Variants in BRAF observed in about 807,000 individuals in gnomAD.
BRAF encodes the protein B-Raf proto-oncogene, serine/threonine kinase.
Under a neutral mutation model 104.6 loss-of-function variants are expected in BRAF, and 16 were observed. The ratio of observed to expected loss-of-function variants is 0.15; its 90% CI spans 0.10 to 0.23. BRAF has a LOEUF of 0.23. Ranked by LOEUF, BRAF falls within the 10% of genes least tolerant of loss-of-function variation. The probability of loss-of-function intolerance (pLI) is 1.00; values close to 1 mark genes in which losing one functional copy is unlikely to be tolerated. For missense variants in BRAF, 541 were observed against 937.3 expected (o/e 0.58, Z 5.52); for synonymous variants, 310 against 341.6 (o/e 0.91, Z 1.02).
At chr7:140,885,281 G>A (rs1234405129) in intron 1 of BRAF, among the ~76,000 whole-genome samples, 4 of 151,986 alleles carry the variant, frequency 2.6e-5, no homozygotes, top group African/African-American at 9.7e-5. Flanking sequence ...GGGATTACAG[G>A]TGTGAGCCAC....
intron 14 of BRAF, among the ~76,000 whole-genome samples, chr7:140,770,068 A>G (rs1436575244): frequency 6.6e-6 from 1 of 152,204 alleles, no homozygotes; most frequent in Admixed American, 6.5e-5. Flanking sequence ...TGAACATTTG[A>G]TCTTATCAGA....
chr7:140,824,171 T>C (rs1805763512), intron 3 of BRAF: 1 of 152,236 alleles, frequency 6.6e-6, no homozygotes. Context: ...TTTCCATTTT[T>C]TCTTGTGTTC....
At chr7:140,873,662 T>A (rs1811869399) in intron 1 of BRAF, among the ~76,000 whole-genome samples, 1 of 152,152 alleles carries the variant, frequency 6.6e-6, no homozygotes, top group Non-Finnish European at 1.5e-5. Flanking sequence ...CACACTCCAC[T>A]AGTTGAACGG....
In BRAF at chr7:140,861,899, A is replaced by C. The variant is rs1810459453; in HGVS notation, c.139-11687T>G. ...GAAAGAGGGAAGATACTGAAGGAGG[A>C]GGATACTAAGTAAGTAAGCTAGCTC... On this transcript the variant is annotated intron_variant, in intron 1 of 19. Coordinates refer to ENST00000644969, the MANE Select transcript of BRAF (RefSeq NM_001374258.1). Among the ~76,000 whole-genome samples the C allele has an allele frequency of 1.3e-5, 2 of 152,054 alleles. 1 individual carries two copies. The highest frequency in any genetic ancestry group is 2.9e-5 in the Non-Finnish European group (2 of 67,990).
At chr7:140,911,038 G>A (rs926174217) in intron 1 of BRAF, among the ~76,000 whole-genome samples, 4 of 152,136 alleles carry the variant, frequency 2.6e-5, no homozygotes, top group African/African-American at 4.8e-5. Flanking sequence ...AAACTGAAAA[G>A]CCATGGTTAA....
chr7:140,876,907 T>A (rs540908809), intron 1 of BRAF, among the ~76,000 whole-genome samples: 7 of 151,990 alleles, frequency 4.6e-5, no homozygotes, highest in Non-Finnish European at 1.0e-4. Flanking sequence ...AGACAAACTT[T>A]CACAAGCTTA....
intron 1 of BRAF, among the ~76,000 whole-genome samples, chr7:140,905,815 G>A (rs547553413): frequency 1.6e-4 from 24 of 152,156 alleles, no homozygotes; most frequent in South Asian, 4.1e-4. Flanking sequence ...TAGGCCGGGC[G>A]CGGTGGCTCA....
intron 15 of BRAF, 197 bp from the exon 15 acceptor site, chr7:140,753,590 T>G (rs1178730026): frequency 4.4e-6 from 2 of 455,008 alleles, no homozygotes; most frequent in Non-Finnish European, 8.0e-6. Flanking sequence ...CTATATAACC[T>G]GCTTTTAAGA....
chr7:140,862,177 GAACA>G (rs1292638701), intron 1 of BRAF, among the ~76,000 whole-genome samples: 1 of 152,086 alleles, frequency 6.6e-6, no homozygotes. Flanking sequence ...AGATCACAAT[GAACA>G]AACAGAATAA....
intron 3 of BRAF, among the ~76,000 whole-genome samples, chr7:140,830,473 T>G (rs1331293042): frequency 1.3e-5 from 2 of 152,206 alleles, no homozygotes; most frequent in Non-Finnish European, 2.9e-5. Flanking sequence ...GCATCTTTTG[T>G]TCTCATATTT....
At chr7:140,901,320 C>T (rs1365960600) in intron 1 of BRAF, among the ~76,000 whole-genome samples, 1 of 152,162 alleles carries the variant, frequency 6.6e-6, no homozygotes, top group Non-Finnish European at 1.5e-5. Flanking sequence ...ACAAGTGGAT[C>T]TGAATGTGAG....
chr7:140,830,036 G>A (rs1210171026), intron 3 of BRAF, among the ~76,000 whole-genome samples: 5 of 152,022 alleles, frequency 3.3e-5, no homozygotes, highest in Non-Finnish European at 4.4e-5. Context: ...ATTAACTCTA[G>A]CTATCCTAAT....
At chr7:140,903,451 G>A (rs1295653879) in intron 1 of BRAF, among the ~76,000 whole-genome samples, 1 of 152,200 alleles carries the variant, frequency 6.6e-6, no homozygotes, top group Admixed American at 6.5e-5. Flanking sequence ...CAGAAAAAAA[G>A]ATTCCTTCTA....
intron 1 of BRAF, among the ~76,000 whole-genome samples, chr7:140,871,739 T>C (rs1811620631): frequency 6.6e-6 from 1 of 152,194 alleles, no homozygotes; most frequent in African/African-American, 2.4e-5. Context: ...TCATTAGACA[T>C]GTATGGCTAT....
At chr7:140,861,560 C>CA (rs1444767509) in intron 1 of BRAF, among the ~76,000 whole-genome samples, 6 of 152,104 alleles carry the variant, frequency 3.9e-5, no homozygotes, top group African/African-American at 1.2e-4. Context: ...TCAGGGTTCA[C>CA]AAAAACATGC....
At chr7:140,912,597 G>C (rs965715481) in intron 1 of BRAF, among the ~76,000 whole-genome samples, 30 of 152,018 alleles carry the variant, frequency 2.0e-4, no homozygotes, top group African/African-American at 6.8e-4. Context: ...TTCCTCACTA[G>C]CTCTGGCCCC....
chr7:140,752,870 TC>T (rs1271377456), intron 16 of BRAF, among the ~76,000 whole-genome samples: 1 of 152,108 alleles, frequency 6.6e-6, no homozygotes, highest in Non-Finnish European at 1.5e-5. Context: ...GTTTTTTTTT[TC>T]AACAGGGTAC....
At chr7:140,869,108 A>T (rs748155211) in intron 1 of BRAF, among the ~76,000 whole-genome samples, 1 of 152,220 alleles carries the variant, frequency 6.6e-6, no homozygotes, top group Non-Finnish European at 1.5e-5. Flanking sequence ...ATGCAGAATT[A>T]AAAATTATAT....
intron 11 of BRAF, among the ~76,000 whole-genome samples, 172 bp from the exon 11 acceptor site, chr7:140,781,865 AAATTT>A (rs915762408): frequency 6.6e-6 from 1 of 152,218 alleles, no homozygotes; most frequent in African/African-American, 2.4e-5. Flanking sequence ...TACAAAACTT[AAATTT>A]AAGACTGAAG....
Sources: gnomAD v4.1 joint callset for allele counts (sites outside exome capture counted in the v4.1 genomes callset) on GRCh38, gnomAD v4.1.1 for gene constraint, MANE v1.5 for transcripts, NCBI Gene and HGNC (gene_info 2026-07-23, HGNC 2026-07-21) for gene names.